CYP20A1: variants seen among roughly 807,000 people sequenced by gnomAD.
CYP20A1 encodes cytochrome P450 family 20 subfamily A member 1.
In CYP20A1, 61 loss-of-function variants were observed where a neutral mutation model predicts 61.4. The ratio of observed to expected loss-of-function variants is 0.99; its 90% CI spans 0.81 to 1.23. The LOEUF is 1.23. Among genes scored for constraint, CYP20A1 ranks in the 50% most tolerant of loss-of-function variants. CYP20A1 has a pLI of 0.00. For synonymous variants in CYP20A1, 193 were observed against 188.2 expected, an observed-to-expected ratio of 1.03 and a Z score of -0.21; for missense variants, 530 against 542.4, an observed-to-expected ratio of 0.98 and a Z score of 0.23.
At chr2:203,264,717 ATT>A (rs36039340) in intron 4 of CYP20A1, among the ~76,000 whole-genome samples, 1 of 151,876 alleles carries the variant, frequency 6.6e-6, no homozygotes, top group Non-Finnish European at 1.5e-5. Flanking sequence ...ATACTTTTAT[ATT>A]TTTTTTATAT....
intron 4 of CYP20A1, among the ~76,000 whole-genome samples, chr2:203,265,252 A>G (rs1310589064): frequency 6.6e-6 from 1 of 152,192 alleles, no homozygotes; most frequent in Non-Finnish European, 1.5e-5. Flanking sequence ...AGATGCCAGT[A>G]GCACCTTACC....
At chr2:203,289,930 G>T in intron 10 of CYP20A1, 54 bp downstream of exon 10, 1 of 830,168 alleles carries the variant, frequency 1.2e-6, no homozygotes, top group Admixed American at 2.4e-5. Context: ...CTCTTTTGGT[G>T]TGTGTGTGTG....
intron 5 of CYP20A1, among the ~76,000 whole-genome samples, chr2:203,268,003 A>G (rs1225395349): frequency 6.6e-6 from 1 of 152,140 alleles, no homozygotes; most frequent in Non-Finnish European, 1.5e-5. Flanking sequence ...GTTACAGTTA[A>G]TACAAGGAAC....
At chr2:203,250,028 A>G (rs964132918) in intron 3 of CYP20A1, among the ~76,000 whole-genome samples, 1 of 152,194 alleles carries the variant, frequency 6.6e-6, no homozygotes, top group Non-Finnish European at 1.5e-5. Flanking sequence ...TGATGAGGGA[A>G]TGGGAAATCA....
chr2:203,274,123 T>A (rs1357825123), intron 6 of CYP20A1, among the ~76,000 whole-genome samples: 2 of 152,110 alleles, frequency 1.3e-5, no homozygotes, highest in African/African-American at 4.8e-5. Context: ...CTTATTATTT[T>A]TTTGTTCTGT....
chr2:203,294,940 AATTTTTTTTTTTTTTTT>A (rs2068718200), intron 11 of CYP20A1, among the ~76,000 whole-genome samples: 2 of 91,250 alleles, frequency 2.2e-5, no homozygotes, highest in African/African-American at 8.9e-5. Flanking sequence ...CCTTTAAAAA[AATTTTTTTTTTTTTTTT>A]TTTTTTTTTT....
At chr2:203,270,860 C>T (rs777895406) in intron 5 of CYP20A1, among the ~76,000 whole-genome samples, 23 of 148,052 alleles carry the variant, frequency 1.6e-4, no homozygotes, top group Non-Finnish European at 3.0e-4. Context: ...CTCACCACCA[C>T]GCCTGGCTAA....
chr2:203,255,525 T>A (rs2066861481), intron 4 of CYP20A1, among the ~76,000 whole-genome samples: 1 of 152,198 alleles, frequency 6.6e-6, no homozygotes, highest in Admixed American at 6.5e-5. Context: ...CTAAGTTTCA[T>A]TCAGAGGTTA....
At position 203,246,940 on chromosome 2, in the gene CYP20A1, C is replaced by T; in HGVS notation, c.289+19C>T. 2 of 1,608,542 alleles carry T rather than the reference C, an allele frequency of 1.2e-6. No homozygotes were observed. The highest frequency in any genetic ancestry group is 1.7e-6 in the Non-Finnish European group (2 of 1,177,212). ...AAGACATGTAAGTTTAATTTTCTTTCTAATTACCTGATCCTTACCTTTTAA... is the reference window on the plus strand; with the variant it reads ...AAGACATGTAAGTTTAATTTTCTTTTTAATTACCTGATCCTTACCTTTTAA... On this transcript the variant is annotated intron_variant, in intron 3 of 12. Transcript: ENST00000356079.
At chr2:203,272,577 A>T in intron 5 of CYP20A1, 93 bp from the exon 6 acceptor site, 1 of 390,180 alleles carries the variant, frequency 2.6e-6, no homozygotes, top group Non-Finnish European at 4.5e-6. Flanking sequence ...AAAAAGAGTT[A>T]AAGAGTTCCT....
chr2:203,246,926 G>A lies in CYP20A1; in HGVS notation c.289+5G>A, dbSNP rs756221964. On this transcript the variant is annotated splice_donor_5th_base_variant and intron_variant, in intron 3 of 12. Transcript: ENST00000356079. ...ATATCAATCCCAATAAGACATGTAAGTTTAATTTTCTTTCTAATTACCTGA... is the reference window on the plus strand; with the variant it reads ...ATATCAATCCCAATAAGACATGTAAATTTAATTTTCTTTCTAATTACCTGA... 3 of 1,608,738 alleles carry A rather than the reference G, an allele frequency of 1.9e-6. No individual in the cohort carries two copies. Among genetic ancestry groups the A allele is most frequent in the East Asian group, 2.2e-5 (1 of 44,824 alleles).
rs550944371 is a variant in CYP20A1, at chr2:203,254,052, A to G, written c.432+1943A>G. On this transcript the variant is annotated intron_variant, in intron 4 of 12. Coordinates refer to ENST00000356079, the MANE Select transcript of CYP20A1 (RefSeq NM_177538.3). ...AACTTCCGCCTCCTGGGTTCAAGCA[A>G]TTCTCTGCCTCAGCCTCCCGAGTAG... Among the ~76,000 whole-genome samples, 51 of 151,818 alleles carry G rather than the reference A, an allele frequency of 3.4e-4. 1 individual carries two copies. The South Asian group carries it at 8.7e-3, about 26-fold the overall frequency.
In CYP20A1 at chr2:203,301,914, C is replaced by CT. The variant is rs763764173; in HGVS notation, c.*5028dup. ...TTTGAAGTTAACCACTGTTAAGATT[C>CT]TTTTTTTTTTTTTTTTTTTTTTGTT... On this transcript the variant is annotated 3_prime_UTR_variant, in exon 13 of 13. Coordinates refer to ENST00000356079, the MANE Select transcript of CYP20A1 (RefSeq NM_177538.3). Among the ~76,000 whole-genome samples the CT allele has an allele frequency of 0.43, 44,140 of 103,810 alleles. 10,562 individuals are homozygous for CT. The highest frequency in any genetic ancestry group is 0.59 in the South Asian group (1,604 of 2,730). The allele number at this position is 103,810 out of a possible 152,430, so 68.1% of individuals were successfully genotyped here. A position where few individuals can be genotyped will look rare whatever the true frequency, so the allele number is the denominator to read the frequency against.
intron 9 of CYP20A1, among the ~76,000 whole-genome samples, chr2:203,287,258 A>G (rs898827440): frequency 6.6e-6 from 1 of 151,642 alleles, no homozygotes; most frequent in Non-Finnish European, 1.5e-5. Flanking sequence ...AACCACTGGA[A>G]AGAACTAGGA....
intron 10 of CYP20A1, 68 bp downstream of exon 10, chr2:203,289,944 A>G: frequency 3.6e-5 from 22 of 608,600 alleles, no homozygotes; most frequent in Non-Finnish European, 5.2e-5. Context: ...GTGTGTGTAT[A>G]TATATATATA....
chr2:203,301,914 C>CTTTTTTTTTTTT lies in CYP20A1; in HGVS notation c.*5017_*5028dup, dbSNP rs763764173. 2.8e-4 allele frequency among the ~76,000 whole-genome samples: 29 copies of CTTTTTTTTTTTT among 103,570 alleles called. No homozygotes were observed. Among genetic ancestry groups the CTTTTTTTTTTTT allele is most frequent in the East Asian group, 3.1e-4 (1 of 3,234 alleles). The allele number at this position is 103,570 out of a possible 152,430, so 67.9% of individuals were successfully genotyped here. ...TTTGAAGTTAACCACTGTTAAGATTCTTTTTTTTTTTTTTTTTTTTTTGTT... is the reference window on the plus strand; with the variant it reads ...TTTGAAGTTAACCACTGTTAAGATTCTTTTTTTTTTTTTTTTTTTTTTTTTTTTTTTTTTGTT... On this transcript the variant is annotated 3_prime_UTR_variant, in exon 13 of 13. Coordinates refer to ENST00000356079, the MANE Select transcript of CYP20A1 (RefSeq NM_177538.3).
intron 6 of CYP20A1, among the ~76,000 whole-genome samples, chr2:203,276,008 A>G (rs908697718): frequency 6.6e-6 from 1 of 152,160 alleles, no homozygotes; most frequent in African/African-American, 2.4e-5. Flanking sequence ...TTGCAATTTT[A>G]AGTAATTATT....
chr2:203,244,075 C>T (rs920465317), intron 1 of CYP20A1, among the ~76,000 whole-genome samples: 3 of 152,214 alleles, frequency 2.0e-5, no homozygotes, highest in South Asian at 2.1e-4. Context: ...TTATATTCCA[C>T]GTTACCTCCT....
intron 4 of CYP20A1, 137 bp downstream of exon 4, chr2:203,252,246 C>A: frequency 4.6e-6 from 3 of 657,722 alleles, no homozygotes; most frequent in Admixed American, 3.9e-5. Context: ...AAATTAAAAA[C>A]GACAACAATA....
Sources: allele counts gnomAD v4.1 joint callset (sites outside exome capture counted in the v4.1 genomes callset), GRCh38; gene constraint gnomAD v4.1.1; transcripts MANE v1.5; gene names NCBI Gene and HGNC (gene_info 2026-07-23, HGNC 2026-07-21).